RYK: variants seen among roughly 807,000 people sequenced by gnomAD.
RYK encodes the protein receptor like tyrosine kinase.
RYK carries 21 observed loss-of-function variants against 70.2 expected under a neutral mutation model. The ratio of observed to expected loss-of-function variants is 0.30; its 90% CI spans 0.21 to 0.43. The LOEUF (loss-of-function observed/expected upper bound fraction) is 0.43, where lower values mean the gene tolerates loss of function less well. Ranked by LOEUF, RYK falls within the 20% of genes least tolerant of loss-of-function variation. RYK has a pLI of 1.00. For synonymous variants in RYK, 267 were observed against 278.0 expected (o/e 0.96, Z 0.39); for missense variants, 604 against 753.3 (o/e 0.80, Z 2.32).
intron 7 of RYK, among the ~76,000 whole-genome samples, chr3:134,192,259 T>C (rs907093495): frequency 6.6e-6 from 1 of 152,152 alleles, no homozygotes; most frequent in Admixed American, 6.5e-5. Context: ...TCAATTGCCT[T>C]TTAGCCAAAT....
At chr3:134,219,907 A>T (rs2014686622) in intron 2 of RYK, among the ~76,000 whole-genome samples, 1 of 152,218 alleles carries the variant, frequency 6.6e-6, no homozygotes, top group Non-Finnish European at 1.5e-5. Flanking sequence ...ATGAGGAATG[A>T]GATTTTTTTA....
intron 1 of RYK, among the ~76,000 whole-genome samples, chr3:134,234,893 T>C (rs2015161599): frequency 1.3e-5 from 2 of 152,062 alleles, no homozygotes; most frequent in African/African-American, 4.8e-5. Flanking sequence ...AATATAAGTA[T>C]GACCATGGTA....
At chr3:134,208,314 A>G (rs1380066234) in intron 4 of RYK, among the ~76,000 whole-genome samples, 1 of 152,202 alleles carries the variant, frequency 6.6e-6, no homozygotes, top group Non-Finnish European at 1.5e-5. Context: ...ACCATGGTAC[A>G]GTCATGCCCA....
intron 1 of RYK, among the ~76,000 whole-genome samples, chr3:134,230,632 G>C (rs2015028784): frequency 6.6e-6 from 1 of 152,192 alleles, no homozygotes; most frequent in Admixed American, 6.5e-5. Flanking sequence ...TATGGTGATA[G>C]AAATCAGGTC....
intron 10 of RYK, chr3:134,181,609 G>GTC (rs1362904518): frequency 2.0e-5 from 3 of 152,150 alleles, no homozygotes; most frequent in Non-Finnish European, 4.4e-5. Context: ...TCAAGGAACT[G>GTC]TCTAAAGTAT....
intron 7 of RYK, among the ~76,000 whole-genome samples, chr3:134,193,426 G>A (rs752324564): frequency 2.0e-5 from 3 of 152,092 alleles, no homozygotes; most frequent in East Asian, 3.9e-4. Flanking sequence ...CTCATGATCC[G>A]CCCGCCTTGG....
chr3:134,241,359 AAAAG>A (rs1011613676), intron 1 of RYK, among the ~76,000 whole-genome samples: 4 of 151,942 alleles, frequency 2.6e-5, no homozygotes, highest in Admixed American at 6.6e-5. Context: ...CAAAAAAAAA[AAAAG>A]AAAGGTGACA....
At chr3:134,231,628 T>C (rs1259728612) in intron 1 of RYK, among the ~76,000 whole-genome samples, 2 of 152,092 alleles carry the variant, frequency 1.3e-5, no homozygotes, top group Non-Finnish European at 2.9e-5. Flanking sequence ...TGTCACCCAC[T>C]AATACCCCTC....
intron 2 of RYK, among the ~76,000 whole-genome samples, chr3:134,221,166 T>A (rs751944466): frequency 2.0e-5 from 3 of 150,638 alleles, no homozygotes; most frequent in African/African-American, 7.3e-5. Context: ...CTTCTGAGTA[T>A]AGAACTACAA....
chr3:134,157,250 G>A lies in RYK; in HGVS notation c.*903C>T, dbSNP rs2012274839. 1 of 152,526 alleles carries A rather than the reference G, an allele frequency of 6.6e-6. No homozygotes were observed. The highest frequency in any genetic ancestry group is 1.5e-5 in the Non-Finnish European group (1 of 68,010). 9.4% of individuals were successfully genotyped at this position (152,526 alleles called of 1,614,324 possible). ...TACATTTAAAAAACAAACAAAAAAC[G>A]ACAACAACTCAAGCACCCGCTCTGT... On this transcript the variant is annotated 3_prime_UTR_variant, in exon 15 of 15. Transcript: ENST00000623711.
chr3:134,194,745 A>T (rs2013760540), intron 7 of RYK, among the ~76,000 whole-genome samples: 1 of 152,236 alleles, frequency 6.6e-6, no homozygotes, highest in Non-Finnish European at 1.5e-5. Flanking sequence ...CTCTGTCTTT[A>T]TGCAGCTCAA....
At chr3:134,161,100 C>T (rs1388899413) in intron 13 of RYK, among the ~76,000 whole-genome samples, 1 of 152,140 alleles carries the variant, frequency 6.6e-6, no homozygotes, top group Non-Finnish European at 1.5e-5. Context: ...TGAACATATT[C>T]TCTTATGTTA....
intron 1 of RYK, among the ~76,000 whole-genome samples, chr3:134,238,878 T>A (rs1161910833): frequency 6.6e-6 from 1 of 152,176 alleles, no homozygotes; most frequent in Non-Finnish European, 1.5e-5. Context: ...GAAAAAAAAT[T>A]AGAAATTGTA....
rs553679811 is a variant in RYK at position 134,235,778 on chromosome 3, T to C, written c.233-13239A>G. Among the ~76,000 whole-genome samples the C allele has an allele frequency of 2.6e-5, 4 of 152,166 alleles. No individual in the cohort carries two copies. In the South Asian group the frequency reaches 8.3e-4, roughly 32 times the overall value. On this transcript the variant is annotated intron_variant, in intron 1 of 14. Coordinates refer to ENST00000623711, the MANE Select transcript of RYK (RefSeq NM_002958.4). ...AGCATCACAGAGGTTAAGTGAGTAG[T>C]GAGAAATGATTAGAGAGGCAGTGAG... is the stretch of plus-strand genomic sequence containing the variant.
chr3:134,245,574 G>T (rs138082536), intron 1 of RYK, among the ~76,000 whole-genome samples: 61 of 152,174 alleles, frequency 4.0e-4, no homozygotes, highest in African/African-American at 1.4e-3. Flanking sequence ...TAGACAAGGG[G>T]GGAGCCACCG....
At chr3:134,183,128 C>T in intron 9 of RYK, 57 bp from the exon 10 acceptor site, 1 of 974,742 alleles carries the variant, frequency 1.0e-6, no homozygotes, top group Non-Finnish European at 1.5e-6. Context: ...ATGGCATTAA[C>T]ATTTTCTGCT....
chr3:134,165,429 C>G (rs942714774), intron 13 of RYK, among the ~76,000 whole-genome samples: 2 of 152,158 alleles, frequency 1.3e-5, no homozygotes, highest in Non-Finnish European at 2.9e-5. Context: ...TTGTCTTGTT[C>G]CTGGTATTAA....
chr3:134,227,858 A>C (rs1422898151), intron 1 of RYK, among the ~76,000 whole-genome samples: 1 of 152,140 alleles, frequency 6.6e-6, no homozygotes, highest in Non-Finnish European at 1.5e-5. Flanking sequence ...TATTTTTAGT[A>C]GAGACAGGGT....
intron 1 of RYK, among the ~76,000 whole-genome samples, chr3:134,244,085 G>A (rs192607309): frequency 6.6e-4 from 101 of 152,272 alleles, no homozygotes; most frequent in African/African-American, 2.4e-3. Context: ...TATTTTAAGA[G>A]GAGAAGCAAG....
Sources: allele counts gnomAD v4.1 joint callset (sites outside exome capture counted in the v4.1 genomes callset), GRCh38; gene constraint gnomAD v4.1.1; transcripts MANE v1.5; gene names NCBI Gene and HGNC (gene_info 2026-07-23, HGNC 2026-07-21).